Variants in SLC24A2 observed in about 807,000 individuals in gnomAD.
The protein encoded by SLC24A2 is solute carrier family 24 member 2, also known as sodium/potassium/calcium exchanger 2.
SLC24A2 carries 36 observed loss-of-function variants against 62.0 expected under a neutral mutation model. That is an observed-to-expected ratio of 0.58 (90% CI 0.44 to 0.77). The LOEUF is 0.77. Ranked by LOEUF, SLC24A2 falls within the 30% of genes least tolerant of loss-of-function variation. SLC24A2 has a pLI of 0.00. For synonymous variants in SLC24A2, 358 were observed against 294.0 expected (o/e 1.22, Z -2.23); for missense variants, 846 against 817.9 (o/e 1.03, Z -0.42).
the SLC24A2 span, among the ~76,000 whole-genome samples, chr9:20,147,255 G>T: frequency 2.6e-5 from 4 of 152,042 alleles, no homozygotes; most frequent in Non-Finnish European, 4.4e-5. Context: ...CCTTTGAGTC[G>T]GAGGCCCAGT....
At chr9:20,081,484 G>T in the SLC24A2 span, among the ~76,000 whole-genome samples, 10 of 119,372 alleles carry the variant, frequency 8.4e-5, no homozygotes, top group East Asian at 1.2e-3. Context: ...GTTGAGGGGT[G>T]GGGGGAGGGG....
chr9:20,261,740 T>A, the SLC24A2 span, among the ~76,000 whole-genome samples: 1 of 130,118 alleles, frequency 7.7e-6, no homozygotes, highest in Non-Finnish European at 1.6e-5. Context: ...AATCTTTTTT[T>A]TTTTTTTTTT....
At chr9:19,878,544 C>T in the SLC24A2 span, among the ~76,000 whole-genome samples, 3 of 152,164 alleles carry the variant, frequency 2.0e-5, no homozygotes, top group Admixed American at 6.5e-5. Flanking sequence ...ATTGTAATTC[C>T]CACTGTTGGA....
chr9:19,548,173 G>T (rs1250516106), intron 8 of SLC24A2, among the ~76,000 whole-genome samples: 1 of 150,600 alleles, frequency 6.6e-6, no homozygotes, highest in East Asian at 1.9e-4. Context: ...TTTTTCTTCT[G>T]TCTTTTTCAA....
At chr9:19,548,327 C>T (rs927207274) in intron 8 of SLC24A2, among the ~76,000 whole-genome samples, 8 of 152,106 alleles carry the variant, frequency 5.3e-5, no homozygotes, top group Non-Finnish European at 8.8e-5. Flanking sequence ...AAGCCCAAGC[C>T]ATGTGGTCAC....
the SLC24A2 span, among the ~76,000 whole-genome samples, chr9:20,186,312 C>T: frequency 1.3e-4 from 20 of 152,084 alleles, no homozygotes; most frequent in Admixed American, 7.2e-4. Context: ...GTTTAACCTG[C>T]TTATCTCTGA....
the SLC24A2 span, among the ~76,000 whole-genome samples, chr9:19,971,394 G>A: frequency 2.6e-4 from 39 of 152,214 alleles, no homozygotes; most frequent in African/African-American, 7.2e-4. Flanking sequence ...AATGGTTTCT[G>A]GATATCAAAA....
chr9:19,847,555 G>T, the SLC24A2 span, among the ~76,000 whole-genome samples: 2 of 152,058 alleles, frequency 1.3e-5, no homozygotes, highest in Non-Finnish European at 2.9e-5. Flanking sequence ...AAGGTAATTT[G>T]TCTCAATTAC....
At chr9:19,586,037 G>T (rs2132874270) in intron 5 of SLC24A2, among the ~76,000 whole-genome samples, 1 of 152,198 alleles carries the variant, frequency 6.6e-6, no homozygotes, top group South Asian at 2.1e-4. Flanking sequence ...TCTTCACAAG[G>T]CTTGGAATTC....
chr9:19,924,471 A>G, the SLC24A2 span, among the ~76,000 whole-genome samples: 2 of 151,988 alleles, frequency 1.3e-5, no homozygotes, highest in Non-Finnish European at 2.9e-5. Flanking sequence ...CTAGAATGTC[A>G]TCTTGGTCAG....
the SLC24A2 span, among the ~76,000 whole-genome samples, chr9:19,916,624 T>C: frequency 6.6e-6 from 1 of 151,918 alleles, no homozygotes; most frequent in Non-Finnish European, 1.5e-5. Flanking sequence ...TTATATCTGC[T>C]TTTTTCCACT....
intron 2 of SLC24A2, among the ~76,000 whole-genome samples, chr9:19,694,877 G>T (rs1399357884): frequency 6.6e-6 from 1 of 152,138 alleles, no homozygotes; most frequent in African/African-American, 2.4e-5. Flanking sequence ...AGTGAAAATG[G>T]AGGAACTGTG....
At chr9:19,931,555 A>T in the SLC24A2 span, among the ~76,000 whole-genome samples, 11 of 152,242 alleles carry the variant, frequency 7.2e-5, no homozygotes, top group African/African-American at 2.7e-4. Flanking sequence ...CAAAAAGGAG[A>T]TGTAGACAAT....
intron 5 of SLC24A2, among the ~76,000 whole-genome samples, chr9:19,585,034 G>A (rs899408063): frequency 6.6e-6 from 1 of 152,018 alleles, no homozygotes; most frequent in South Asian, 2.1e-4. Context: ...TAATTAATGA[G>A]AATATATACA....
At chr9:19,846,223 C>A in the SLC24A2 span, among the ~76,000 whole-genome samples, 1 of 152,098 alleles carries the variant, frequency 6.6e-6, no homozygotes, top group African/African-American at 2.4e-5. Flanking sequence ...GTGTGGCTGT[C>A]AAAATCTTTT....
At chr9:19,707,311 G>T (rs925266875) in intron 2 of SLC24A2, among the ~76,000 whole-genome samples, 1 of 151,014 alleles carries the variant, frequency 6.6e-6, no homozygotes, top group Admixed American at 6.6e-5. Context: ...ATTCACAGCC[G>T]AATTCTACCA....
At chr9:19,997,696 C>A in the SLC24A2 span, among the ~76,000 whole-genome samples, 3 of 152,152 alleles carry the variant, frequency 2.0e-5, no homozygotes, top group Non-Finnish European at 4.4e-5. Flanking sequence ...TAGGAGTGAG[C>A]AAGACAAACT....
chr9:20,078,796 A>AAAAGCATTCCCT, the SLC24A2 span, among the ~76,000 whole-genome samples: 1,414 of 152,268 alleles, frequency 9.3e-3, 26 homozygotes, highest in African/African-American at 0.033. Flanking sequence ...ATCCTCATCA[A>AAAAGCATTCCCT]AAAGCATTCC....
chr9:19,935,633 G>A, the SLC24A2 span, among the ~76,000 whole-genome samples: 11 of 152,186 alleles, frequency 7.2e-5, no homozygotes, highest in South Asian at 6.2e-4. Context: ...TGTCCAAAGC[G>A]TGGCTGGTGC....
Sources: allele counts gnomAD v4.1 joint callset (sites outside exome capture counted in the v4.1 genomes callset), GRCh38; gene constraint gnomAD v4.1.1; transcripts MANE v1.5; gene names NCBI Gene and HGNC (gene_info 2026-07-23, HGNC 2026-07-21).